UTRN: variants seen among roughly 807,000 people sequenced by gnomAD.
UTRN encodes the protein utrophin.
Under a neutral mutation model 463.9 loss-of-function variants are expected in UTRN, and 283 were observed. That is an observed-to-expected ratio of 0.61 (90% CI 0.55 to 0.67). UTRN has a LOEUF of 0.67. Ranked by LOEUF, UTRN falls within the 30% of genes least tolerant of loss-of-function variation. The pLI is 0.00. For synonymous variants in UTRN, 1,442 were observed against 1,431.5 expected, an observed-to-expected ratio of 1.01 and a Z score of -0.17; for missense variants, 3,922 against 4,084.3, an observed-to-expected ratio of 0.96 and a Z score of 1.08.
chr6:144,372,596 G>A (rs1424499038), intron 2 of UTRN, among the ~76,000 whole-genome samples: 2 of 151,854 alleles, frequency 1.3e-5, no homozygotes, highest in East Asian at 1.9e-4. Context: ...CCAGGTTCAA[G>A]CGATTCTCCT....
intron 65 of UTRN, among the ~76,000 whole-genome samples, chr6:144,807,836 C>G (rs1242636517): frequency 2.0e-5 from 3 of 152,110 alleles, no homozygotes; most frequent in African/African-American, 7.2e-5. Context: ...GACTTTTATA[C>G]TTTTCTCCCT....
At chr6:144,444,805 A>T (rs905288619) in intron 14 of UTRN, among the ~76,000 whole-genome samples, 1 of 152,236 alleles carries the variant, frequency 6.6e-6, no homozygotes, top group Admixed American at 6.5e-5. Flanking sequence ...TTGATTTTTA[A>T]CAAGTATTGA....
At position 144,514,661 on chromosome 6, in the gene UTRN, T is replaced by C; in HGVS notation, c.5085T>C (p.Ser1695=). 1 of 1,613,454 alleles carries C rather than the reference T, an allele frequency of 6.2e-7. No homozygotes were observed. Among genetic ancestry groups the C allele is most frequent in the Non-Finnish European group, 8.5e-7 (1 of 1,179,846 alleles). The change falls in exon 37 of 75, where the codon TCT becomes TCC. Residue 1695 remains serine (S), a synonymous_variant. Coordinates refer to ENST00000367545, the MANE Select transcript of UTRN (RefSeq NM_007124.3). ...TTTCTTATAATTAGCGTTTAGTATC[T>C]GAGCTGGATGATGCCAACCTCCAGG... The part of the protein sequence containing the change: ...KQEEIVKRLV[S]ELDDANLQVE...
chr6:144,435,931 A>T lies in UTRN; in HGVS notation c.856-4A>T. ...GTGGGTTTTTCTTGGCTTTGTTTTT[A>T]CAGAGTACAGCGCCTGAGGAGGAGC... On this transcript the variant is annotated splice_region_variant and splice_polypyrimidine_tract_variant and intron_variant, in intron 9 of 74. Coordinates refer to ENST00000367545, the MANE Select transcript of UTRN (RefSeq NM_007124.3). The T allele has an allele frequency of 6.2e-7, 1 of 1,613,296 alleles. No individual in the cohort carries two copies. The highest frequency in any genetic ancestry group is 8.5e-7 in the Non-Finnish European group (1 of 1,179,922).
intron 2 of UTRN, among the ~76,000 whole-genome samples, chr6:144,308,227 C>CT (rs1015024166): frequency 4.8e-4 from 73 of 152,312 alleles, no homozygotes; most frequent in African/African-American, 1.7e-3. Flanking sequence ...ACTCTGTCCT[C>CT]TTAATTTCTC....
At chr6:144,517,046 C>T (rs1452315165) in intron 39 of UTRN, 98 bp downstream of exon 39, 2 of 1,075,346 alleles carry the variant, frequency 1.9e-6, no homozygotes, top group Non-Finnish European at 2.5e-6. Flanking sequence ...TAAAACACAC[C>T]AGTTGGAATA....
At position 144,403,193 on chromosome 6, in the gene UTRN, G is replaced by A; in HGVS notation, c.141+9G>A. ...ATGCTCGATTTTCAAAGGTAACTGA[G>A]ACTTTCAAAAACTTCGATGGTTCAG... is the stretch of plus-strand genomic sequence containing the variant. On this transcript the variant is annotated intron_variant, in intron 3 of 74. Coordinates refer to ENST00000367545, the MANE Select transcript of UTRN (RefSeq NM_007124.3). 1 of 1,612,108 alleles carries A rather than the reference G, an allele frequency of 6.2e-7. No individual in the cohort carries two copies. The highest frequency in any genetic ancestry group is 8.5e-7 in the Non-Finnish European group (1 of 1,178,842).
intron 64 of UTRN, among the ~76,000 whole-genome samples, chr6:144,801,515 G>C (rs1777695403): frequency 6.6e-6 from 1 of 151,824 alleles, no homozygotes; most frequent in Admixed American, 6.6e-5. Context: ...TTTCTATCAA[G>C]CTTCTACCCA....
At chr6:144,290,273 T>C (rs1447592841) in intron 1 of UTRN, among the ~76,000 whole-genome samples, 1 of 152,236 alleles carries the variant, frequency 6.6e-6, no homozygotes, top group African/African-American at 2.4e-5. Flanking sequence ...ATGTTTTATT[T>C]TAAAATTCTG....
chr6:144,504,619 T>C (rs1034579396), intron 34 of UTRN, among the ~76,000 whole-genome samples: 1 of 152,258 alleles, frequency 6.6e-6, no homozygotes, highest in Non-Finnish European at 1.5e-5. Context: ...GACTTGATCA[T>C]GGTGGATACA....
intron 3 of UTRN, among the ~76,000 whole-genome samples, chr6:144,420,721 C>A (rs1191112121): frequency 1.3e-5 from 2 of 152,170 alleles, no homozygotes; most frequent in Non-Finnish European, 2.9e-5. Context: ...GAAATACAGA[C>A]TGAACACCTC....
intron 2 of UTRN, among the ~76,000 whole-genome samples, chr6:144,386,259 C>T (rs866738065): frequency 2.0e-5 from 3 of 151,950 alleles, no homozygotes; most frequent in Middle Eastern, 3.2e-3. Flanking sequence ...CCCCGGAGTT[C>T]GAGACCAGCC....
chr6:144,359,152 T>C (rs1044805205), intron 2 of UTRN, among the ~76,000 whole-genome samples: 3 of 152,216 alleles, frequency 2.0e-5, no homozygotes, highest in Non-Finnish European at 2.9e-5. Flanking sequence ...AAGGATTATA[T>C]GAGGGGATAG....
intron 32 of UTRN, among the ~76,000 whole-genome samples, chr6:144,491,449 A>T (rs1289430932): frequency 6.6e-6 from 1 of 152,246 alleles, no homozygotes; most frequent in African/African-American, 2.4e-5. Flanking sequence ...TGAATTAGCT[A>T]GAAGAACCAT....
rs553137147 is a variant in UTRN, at chr6:144,396,485, C to T, written c.80-6638C>T. Among the ~76,000 whole-genome samples, 5 of 152,110 alleles carry T rather than the reference C, an allele frequency of 3.3e-5. No homozygotes were observed. In the South Asian group the frequency reaches 1.0e-3, roughly 32 times the overall value. Reference sequence around the variant, plus strand: ...ATAACACTGTAGGTGTAACTAATGCCACTGAATTGTATGATTAAAAATGAC... The same window carrying T: ...ATAACACTGTAGGTGTAACTAATGCTACTGAATTGTATGATTAAAAATGAC... On this transcript the variant is annotated intron_variant, in intron 2 of 74. Coordinates refer to ENST00000367545, the MANE Select transcript of UTRN (RefSeq NM_007124.3).
At chr6:144,802,835 A>G (rs1182752300) in intron 64 of UTRN, among the ~76,000 whole-genome samples, 1 of 152,140 alleles carries the variant, frequency 6.6e-6, no homozygotes, top group Non-Finnish European at 1.5e-5. Flanking sequence ...TTCCATTCGT[A>G]TTCAAACATT....
chr6:144,614,679 A>C (rs1163909848), intron 51 of UTRN, among the ~76,000 whole-genome samples: 2 of 152,154 alleles, frequency 1.3e-5, no homozygotes, highest in African/African-American at 4.8e-5. Flanking sequence ...GCAGCACTTC[A>C]GTTAGAATGA....
chr6:144,715,487 T>C (rs1470180581), intron 53 of UTRN, among the ~76,000 whole-genome samples: 3 of 152,186 alleles, frequency 2.0e-5, no homozygotes, highest in African/African-American at 7.2e-5. Flanking sequence ...TGATCTGACC[T>C]ACCCCCTACT....
intron 2 of UTRN, among the ~76,000 whole-genome samples, chr6:144,313,370 A>G (rs75809862): frequency 0.02 from 2,986 of 151,602 alleles, 101 homozygotes; most frequent in African/African-American, 0.065. Flanking sequence ...AAAAAAAAAG[A>G]AAAGAAAATA....
Sources: allele counts gnomAD v4.1 joint callset (sites outside exome capture counted in the v4.1 genomes callset), GRCh38; gene constraint gnomAD v4.1.1; transcripts MANE v1.5; gene names NCBI Gene and HGNC (gene_info 2026-07-23, HGNC 2026-07-21).